Variants in GXYLT2 observed in about 807,000 individuals in gnomAD.
GXYLT2 encodes glucoside xylosyltransferase 2.
A neutral mutation model predicts 45.8 loss-of-function variants in GXYLT2; 53 were observed. The observed-to-expected ratio is 1.16, with a 90% CI of 0.93 to 1.46. GXYLT2 has a LOEUF of 1.46. Among genes scored for constraint, GXYLT2 ranks in the 40% most tolerant of loss-of-function variants. GXYLT2 has a pLI of 0.00. For missense variants in GXYLT2, 551 were observed against 544.4 expected (o/e 1.01, Z -0.12); for synonymous variants, 219 against 214.2 (o/e 1.02, Z -0.19).
intron 1 of GXYLT2, among the ~76,000 whole-genome samples, chr3:72,903,092 G>T (rs915559178): frequency 6.6e-6 from 1 of 152,166 alleles, no homozygotes; most frequent in African/African-American, 2.4e-5. Context: ...ATTGTTGTTG[G>T]TGTTGTTGAA....
chr3:72,925,796 CT>C (rs1709907815), intron 3 of GXYLT2, among the ~76,000 whole-genome samples: 1 of 152,090 alleles, frequency 6.6e-6, no homozygotes, highest in Non-Finnish European at 1.5e-5. Context: ...GGCCTTAATT[CT>C]TTCCCAGCTA....
intron 6 of GXYLT2, among the ~76,000 whole-genome samples, chr3:72,971,406 T>A (rs2107160033): frequency 6.6e-6 from 1 of 152,322 alleles, no homozygotes; most frequent in African/African-American, 2.4e-5. Context: ...TTCTCTACAA[T>A]GCTGTGAACC....
chr3:72,972,642 G>GAA (rs71126813), intron 6 of GXYLT2, among the ~76,000 whole-genome samples: 5,616 of 84,416 alleles, frequency 0.067, 785 homozygotes, highest in African/African-American at 0.26. Flanking sequence ...CTCTGTCTCG[G>GAA]AAAAAAAAAA....
At chr3:72,929,531 C>T in intron 3 of GXYLT2, 7 of 1,223,202 alleles carry the variant, frequency 5.7e-6, no homozygotes, top group Non-Finnish European at 7.2e-6. Flanking sequence ...TGGGAGCACC[C>T]GAATCTGGCT....
intron 2 of GXYLT2, among the ~76,000 whole-genome samples, chr3:72,918,038 G>T (rs907452871): frequency 2.6e-5 from 4 of 151,988 alleles, no homozygotes; most frequent in Non-Finnish European, 2.9e-5. Flanking sequence ...ACTATTTTAG[G>T]CTTTGCAGGC....
At position 72,967,539 on chromosome 3, in the gene GXYLT2, A is replaced by G. The variant is rs1575818467; in HGVS notation, c.977-8A>G. 6.2e-7 allele frequency: 1 copy of G among 1,610,962 alleles called. No homozygotes were observed. The highest frequency in any genetic ancestry group is 1.7e-5 in the Admixed American group (1 of 59,706). On this transcript the variant is annotated splice_polypyrimidine_tract_variant and splice_region_variant and intron_variant, in intron 5 of 6. Coordinates refer to ENST00000389617, the MANE Select transcript of GXYLT2 (RefSeq NM_001080393.2). ...TGGACATATATGTCTTTCTCTTTTTACCACCAGAGTGTCTCTATGTATTCC... is the reference window on the plus strand; with the variant it reads ...TGGACATATATGTCTTTCTCTTTTTGCCACCAGAGTGTCTCTATGTATTCC...
chr3:72,921,409 A>G (rs892547723), intron 2 of GXYLT2, among the ~76,000 whole-genome samples: 8 of 151,954 alleles, frequency 5.3e-5, no homozygotes, highest in African/African-American at 1.9e-4. Flanking sequence ...ACATTATTCT[A>G]TTTTTCTTTT....
chr3:72,924,693 G>A (rs568407604), intron 3 of GXYLT2, among the ~76,000 whole-genome samples: 3 of 152,184 alleles, frequency 2.0e-5, no homozygotes, highest in South Asian at 4.1e-4. Context: ...TGCCTGAAAC[G>A]GAATTTACCA....
At chr3:72,960,261 C>CA (rs1710744092) in intron 5 of GXYLT2, among the ~76,000 whole-genome samples, 1 of 152,140 alleles carries the variant, frequency 6.6e-6, no homozygotes, top group Non-Finnish European at 1.5e-5. Context: ...GTCATGTGGC[C>CA]AAAACGATCT....
At chr3:72,898,009 C>T (rs897990989) in intron 1 of GXYLT2, among the ~76,000 whole-genome samples, 4 of 152,124 alleles carry the variant, frequency 2.6e-5, no homozygotes, top group African/African-American at 9.7e-5. Context: ...TATACACACA[C>T]CCACATATAT....
intron 3 of GXYLT2, among the ~76,000 whole-genome samples, chr3:72,952,651 T>A (rs1313938488): frequency 6.6e-6 from 1 of 152,056 alleles, no homozygotes. Context: ...CATGGTCAGG[T>A]TGTGGTGATG....
intron 5 of GXYLT2, among the ~76,000 whole-genome samples, chr3:72,966,962 T>C (rs1283624921): frequency 6.6e-6 from 1 of 152,072 alleles, no homozygotes; most frequent in African/African-American, 2.4e-5. Context: ...GAGACAGGGG[T>C]CTTGCTATGT....
intron 2 of GXYLT2, among the ~76,000 whole-genome samples, chr3:72,920,877 T>C (rs1709820654): frequency 6.6e-6 from 1 of 151,316 alleles, no homozygotes; most frequent in Admixed American, 6.6e-5. Context: ...TGCAGTGGCA[T>C]GATCTCAGCT....
intron 1 of GXYLT2, among the ~76,000 whole-genome samples, chr3:72,898,140 G>A (rs564796225): frequency 6.6e-6 from 1 of 152,024 alleles, no homozygotes; most frequent in Non-Finnish European, 1.5e-5. Flanking sequence ...TGCACTACTT[G>A]TATATGCATT....
chr3:72,932,501 A>G (rs940174489), intron 3 of GXYLT2, among the ~76,000 whole-genome samples: 3 of 152,208 alleles, frequency 2.0e-5, no homozygotes, highest in Non-Finnish European at 2.9e-5. Flanking sequence ...TGAACCAATC[A>G]TTATGTCCAG....
intron 3 of GXYLT2, among the ~76,000 whole-genome samples, chr3:72,935,047 T>G (rs1710150247): frequency 6.6e-6 from 1 of 152,106 alleles, no homozygotes; most frequent in Non-Finnish European, 1.5e-5. Context: ...GAAGAAACCC[T>G]CTAATAGGAA....
At chr3:72,973,613 C>T (rs1365821104) in intron 6 of GXYLT2, among the ~76,000 whole-genome samples, 3 of 152,158 alleles carry the variant, frequency 2.0e-5, no homozygotes, top group Non-Finnish European at 4.4e-5. Context: ...GCAATGGGGC[C>T]AGCATGGGCT....
At chr3:72,935,170 A>G (rs887654354) in intron 3 of GXYLT2, among the ~76,000 whole-genome samples, 2 of 152,210 alleles carry the variant, frequency 1.3e-5, no homozygotes, top group African/African-American at 4.8e-5. Flanking sequence ...GAATAAAATA[A>G]AACACAATAT....
At chr3:72,963,289 AG>A (rs1453018726) in intron 5 of GXYLT2, among the ~76,000 whole-genome samples, 1 of 152,192 alleles carries the variant, frequency 6.6e-6, no homozygotes, top group Non-Finnish European at 1.5e-5. Flanking sequence ...TAAGGAGAGG[AG>A]TAGGCTGGGC....
Sources: allele counts gnomAD v4.1 joint callset (sites outside exome capture counted in the v4.1 genomes callset), GRCh38; gene constraint gnomAD v4.1.1; transcripts MANE v1.5; gene names NCBI Gene and HGNC (gene_info 2026-07-23, HGNC 2026-07-21).